ZFPM2: variants seen among roughly 807,000 people sequenced by gnomAD.
ZFPM2 encodes zinc finger protein, FOG family member 2.
Under a neutral mutation model 98.6 loss-of-function variants are expected in ZFPM2, and 20 were observed. That is an observed-to-expected ratio of 0.20 (90% CI 0.14 to 0.29). ZFPM2 has a LOEUF of 0.29. Ranked by LOEUF, ZFPM2 falls within the 10% of genes least tolerant of loss-of-function variation. The pLI is 1.00. For missense variants in ZFPM2, 1,310 were observed against 1,388.6 expected (o/e 0.94, Z 0.90); for synonymous variants, 518 against 502.7 (o/e 1.03, Z -0.41).
chr8:105,772,064 T>G (rs1812988716), intron 5 of ZFPM2, among the ~76,000 whole-genome samples: 1 of 152,144 alleles, frequency 6.6e-6, no homozygotes, highest in Admixed American at 6.6e-5. Context: ...ATGGAGGTTT[T>G]CAAGATCACT....
chr8:105,380,992 A>G (rs376248834), intron 1 of ZFPM2, among the ~76,000 whole-genome samples: 117 of 134,596 alleles, frequency 8.7e-4, no homozygotes, highest in African/African-American at 3.2e-3. Context: ...TTTGTTACAT[A>G]GGTATACACA....
At chr8:105,373,160 T>G (rs897596091) in intron 1 of ZFPM2, among the ~76,000 whole-genome samples, 8 of 152,210 alleles carry the variant, frequency 5.3e-5, no homozygotes, top group African/African-American at 1.9e-4. Context: ...TATTCCATCG[T>G]GATTGGCGTT....
At chr8:105,767,170 A>G (rs1381749831) in intron 5 of ZFPM2, among the ~76,000 whole-genome samples, 2 of 151,904 alleles carry the variant, frequency 1.3e-5, no homozygotes, top group African/African-American at 4.8e-5. Context: ...ACAGGTGTAA[A>G]GATTTCAAAT....
rs1265800724 is a variant in ZFPM2 at position 105,803,577 on chromosome 8, G to C, written c.*39G>C. On this transcript the variant is annotated 3_prime_UTR_variant, in exon 8 of 8. Coordinates refer to ENST00000407775, the MANE Select transcript of ZFPM2 (RefSeq NM_012082.4). The stretch of plus-strand genomic sequence containing the variant: ...CAGTCACCTTTGGTATCAGTGTTTA[G>C]TATGTTGTTCTAACCAGTCCAGAAA... 9 of 1,562,742 alleles carry C rather than the reference G, an allele frequency of 5.8e-6. No individual in the cohort carries two copies. The highest frequency in any genetic ancestry group is 7.8e-6 in the Non-Finnish European group (9 of 1,150,440).
intron 5 of ZFPM2, among the ~76,000 whole-genome samples, chr8:105,688,078 T>C (rs1423603241): frequency 2.0e-5 from 3 of 152,070 alleles, no homozygotes; most frequent in Non-Finnish European, 4.4e-5. Context: ...GAAAAGCAGA[T>C]GAAATCAATA....
chr8:105,646,727 C>T (rs894421950), intron 5 of ZFPM2, among the ~76,000 whole-genome samples: 4 of 152,092 alleles, frequency 2.6e-5, no homozygotes, highest in Non-Finnish European at 4.4e-5. Flanking sequence ...CTCCCAAGAA[C>T]AACAGTCCCC....
At chr8:105,500,267 T>C (rs1309858308) in intron 3 of ZFPM2, among the ~76,000 whole-genome samples, 2 of 152,206 alleles carry the variant, frequency 1.3e-5, no homozygotes, top group African/African-American at 4.8e-5. Context: ...ATGAATAGAA[T>C]ATGACTTTAG....
intron 3 of ZFPM2, among the ~76,000 whole-genome samples, chr8:105,455,658 G>A (rs1412835668): frequency 1.3e-5 from 2 of 152,106 alleles, no homozygotes; most frequent in Non-Finnish European, 2.9e-5. Flanking sequence ...AAATTCACTG[G>A]CCTTATCAAG....
At chr8:105,572,316 G>A (rs961244001) in intron 4 of ZFPM2, among the ~76,000 whole-genome samples, 1 of 151,356 alleles carries the variant, frequency 6.6e-6, no homozygotes, top group Non-Finnish European at 1.5e-5. Flanking sequence ...GATTACAGGC[G>A]TGAGCCACCA....
chr8:105,595,253 A>G, intron 4 of ZFPM2, among the ~76,000 whole-genome samples: 1 of 152,100 alleles, frequency 6.6e-6, no homozygotes, highest in African/African-American at 2.4e-5. Context: ...GGTGTGCCTT[A>G]TTAGTCTATC....
At chr8:105,625,324 A>T (rs1237241338) in intron 4 of ZFPM2, among the ~76,000 whole-genome samples, 2 of 152,142 alleles carry the variant, frequency 1.3e-5, no homozygotes, top group Non-Finnish European at 2.9e-5. Flanking sequence ...AAACACAAAT[A>T]AGATAGGTTC....
At chr8:105,465,207 A>G (rs1554607665) in intron 3 of ZFPM2, among the ~76,000 whole-genome samples, 1 of 152,026 alleles carries the variant, frequency 6.6e-6, no homozygotes, top group Non-Finnish European at 1.5e-5. Flanking sequence ...TAAAGGAAAA[A>G]CATGAGAATA....
chr8:105,553,782 A>G (rs1814919443), intron 3 of ZFPM2, among the ~76,000 whole-genome samples: 1 of 152,192 alleles, frequency 6.6e-6, no homozygotes, highest in African/African-American at 2.4e-5. Flanking sequence ...ACATATGGCT[A>G]AGATCAGAAT....
intron 1 of ZFPM2, among the ~76,000 whole-genome samples, chr8:105,397,279 C>A (rs772165527): frequency 1.3e-5 from 2 of 151,966 alleles, no homozygotes; most frequent in Admixed American, 6.6e-5. Context: ...AAAAGGGAAC[C>A]GCTTTAATAT....
chr8:105,406,421 G>A (rs1054532332), intron 1 of ZFPM2, among the ~76,000 whole-genome samples: 2 of 151,966 alleles, frequency 1.3e-5, no homozygotes, highest in African/African-American at 4.8e-5. Context: ...GCTGAAACTG[G>A]ATCCCTTCCT....
rs556199932 is a variant in ZFPM2, at chr8:105,560,883, A to G, written c.302-480A>G. Among the ~76,000 whole-genome samples, 11 of 152,298 alleles carry G rather than the reference A, an allele frequency of 7.2e-5. No individual in the cohort carries two copies. In the East Asian group the frequency reaches 9.6e-4, roughly 13 times the overall value. On this transcript the variant is annotated intron_variant, in intron 3 of 7. Transcript: ENST00000407775. ...TTTTATTTGAAAAACATGCCTTGCTATATATTGTACATGTAGCCATTTTAC... is the reference window on the plus strand; with the variant it reads ...TTTTATTTGAAAAACATGCCTTGCTGTATATTGTACATGTAGCCATTTTAC...
intron 5 of ZFPM2, among the ~76,000 whole-genome samples, chr8:105,746,457 A>G (rs897033247): frequency 5.9e-5 from 9 of 152,104 alleles, no homozygotes; most frequent in Non-Finnish European, 1.3e-4. Flanking sequence ...GTTGCATAAA[A>G]TACCACAGCA....
intron 1 of ZFPM2, among the ~76,000 whole-genome samples, chr8:105,364,727 A>G (rs1324771044): frequency 1.3e-5 from 2 of 152,062 alleles, no homozygotes; most frequent in African/African-American, 4.8e-5. Context: ...AATCAAGTGT[A>G]AGAGTTCCTG....
chr8:105,438,112 A>C (rs928077981), intron 2 of ZFPM2, among the ~76,000 whole-genome samples: 11 of 152,282 alleles, frequency 7.2e-5, no homozygotes, highest in African/African-American at 1.9e-4. Context: ...AGGATATTAA[A>C]CATACAGAGT....
Sources: allele counts gnomAD v4.1 joint callset (sites outside exome capture counted in the v4.1 genomes callset), GRCh38; gene constraint gnomAD v4.1.1; transcripts MANE v1.5; gene names NCBI Gene and HGNC (gene_info 2026-07-23, HGNC 2026-07-21).